TSHR: variants seen among roughly 807,000 people sequenced by gnomAD.
TSHR encodes the protein thyroid stimulating hormone receptor, also known as thyrotropin receptor.
Under a neutral mutation model 64.1 loss-of-function variants are expected in TSHR, and 51 were observed. That is an observed-to-expected ratio of 0.80 (90% CI 0.64 to 1.01). The LOEUF is 1.01. Among genes scored for constraint, TSHR ranks in the 50% least tolerant of loss-of-function variants. The probability of loss-of-function intolerance (pLI) is 0.00; values close to 1 mark genes in which losing one functional copy is unlikely to be tolerated. For synonymous variants in TSHR, 361 were observed against 361.9 expected, an observed-to-expected ratio of 1.00 and a Z score of 0.03; for missense variants, 877 against 942.8, an observed-to-expected ratio of 0.93 and a Z score of 0.91.
rs79183075 is a variant in TSHR, at chr14:81,113,084, G to C, written c.692+4632G>C. ...GTTTCACAGGAACATGCCGGCTGTT[G>C]TGTTGAAAATAAACTGTAGGGAACC... On this transcript the variant is annotated intron_variant, in intron 8 of 9. Transcript: ENST00000298171. Among the ~76,000 whole-genome samples the C allele has an allele frequency of 9.8e-4, 150 of 152,286 alleles. No individual in the cohort carries two copies. In the South Asian group the frequency reaches 0.016, roughly 17 times the overall value.
intron 7 of TSHR, 51 bp downstream of exon 7, chr14:81,096,758 C>A: frequency 6.3e-7 from 1 of 1,575,680 alleles, no homozygotes; most frequent in South Asian, 1.1e-5. Context: ...CCCTAAGAAC[C>A]ATCCAATGGG....
intron 1 of TSHR, among the ~76,000 whole-genome samples, chr14:81,021,124 C>T (rs549476584): frequency 4.7e-4 from 71 of 152,180 alleles, no homozygotes; most frequent in African/African-American, 1.6e-3. Context: ...ATGCACAATA[C>T]ATGTAATATG....
intron 1 of TSHR, chr14:81,003,552 T>C (rs965459012): frequency 2.2e-5 from 5 of 222,912 alleles, no homozygotes; most frequent in Admixed American, 1.6e-4. Context: ...GCCTGGGCAG[T>C]TTCACAAGTG....
chr14:81,071,936 T>C (rs548583729), intron 3 of TSHR, among the ~76,000 whole-genome samples: 1 of 152,330 alleles, frequency 6.6e-6, no homozygotes, highest in East Asian at 1.9e-4. Context: ...CTCTTTCAAT[T>C]AGCCATTTTT....
chr14:81,103,781 T>C lies in TSHR; in HGVS notation c.615-4594T>C. 1 of 985,476 alleles carries C rather than the reference T, an allele frequency of 1.0e-6. No homozygotes were observed. Among genetic ancestry groups the C allele is most frequent in the Non-Finnish European group, 1.2e-6 (1 of 829,948 alleles). The allele number at this position is 985,476 out of a possible 1,614,324, so 61.0% of individuals were successfully genotyped here. A position where few individuals can be genotyped will look rare whatever the true frequency, so the allele number is the denominator to read the frequency against. On this transcript the variant is annotated intron_variant, in intron 7 of 9. Coordinates refer to ENST00000298171, the MANE Select transcript of TSHR (RefSeq NM_000369.5). This position sits in a 1 kb window ranked among gnomAD's most constrained non-coding sequence, Gnocchi z 4.1. Reference sequence around the variant, plus strand: ...CCATCCTCTTTCCACGCAATCTGCGTGGGGATATGTTGCTTCTCACAGAAT... The same window carrying C: ...CCATCCTCTTTCCACGCAATCTGCGCGGGGATATGTTGCTTCTCACAGAAT...
chr14:80,979,038 C>A (rs1279264767), intron 1 of TSHR, among the ~76,000 whole-genome samples: 1 of 152,212 alleles, frequency 6.6e-6, no homozygotes, highest in Non-Finnish European at 1.5e-5. Flanking sequence ...TTATATTTAA[C>A]ATTTCCAAAG....
At chr14:81,056,352 C>T (rs527592004) in intron 1 of TSHR, among the ~76,000 whole-genome samples, 15 of 152,146 alleles carry the variant, frequency 9.9e-5, no homozygotes, top group South Asian at 4.2e-4. Context: ...AGGAAACTTT[C>T]GGGATGATGG....
chr14:80,973,064 T>C (rs555737858), intron 1 of TSHR, among the ~76,000 whole-genome samples: 1 of 152,128 alleles, frequency 6.6e-6, no homozygotes, highest in Non-Finnish European at 1.5e-5. Flanking sequence ...CCCCATTCCA[T>C]GCTGTAATAC....
At chr14:81,139,517 ATCC>A (rs1228621351) in intron 8 of TSHR, among the ~76,000 whole-genome samples, 159 bp from the exon 9 acceptor site, 2 of 152,214 alleles carry the variant, frequency 1.3e-5, no homozygotes, top group African/African-American at 4.8e-5. Context: ...GAAGCCTAAT[ATCC>A]ATCCCTCCTT....
chr14:81,140,169 G>A (rs773570005), intron 9 of TSHR, among the ~76,000 whole-genome samples: 6 of 152,286 alleles, frequency 3.9e-5, no homozygotes, highest in Admixed American at 6.5e-5. Context: ...TATGATGTCC[G>A]GTTTCCAGGT....
chr14:81,125,313 A>G (rs1890973945), intron 8 of TSHR, among the ~76,000 whole-genome samples: 1 of 151,610 alleles, frequency 6.6e-6, no homozygotes, highest in African/African-American at 2.4e-5. Context: ...TGTTCAGAGG[A>G]AAAAAAATTA....
At chr14:81,100,275 T>C (rs142189008) in intron 7 of TSHR, among the ~76,000 whole-genome samples, 81 of 152,332 alleles carry the variant, frequency 5.3e-4, no homozygotes, top group African/African-American at 1.9e-3. Context: ...TTGCAGAGCT[T>C]CTCAAGCAGT....
chr14:81,113,051 G>A (rs1036325532), intron 8 of TSHR, among the ~76,000 whole-genome samples: 5 of 152,160 alleles, frequency 3.3e-5, no homozygotes, highest in Admixed American at 6.5e-5. Flanking sequence ...GTCACAGTCT[G>A]ACTCAAAGTT....
At chr14:80,991,250 A>G (rs924383742) in intron 1 of TSHR, among the ~76,000 whole-genome samples, 5 of 152,208 alleles carry the variant, frequency 3.3e-5, no homozygotes, top group Non-Finnish European at 1.5e-5. Flanking sequence ...ACCAGTGCAC[A>G]TGACAAAAAA....
At chr14:80,977,436 G>C (rs1013734259) in intron 1 of TSHR, among the ~76,000 whole-genome samples, 14 of 152,190 alleles carry the variant, frequency 9.2e-5, no homozygotes, top group African/African-American at 3.4e-4. Flanking sequence ...ACAGAGCTCA[G>C]CTCACAAGGG....
chr14:80,995,084 C>A (rs754163903), intron 1 of TSHR: 1 of 151,818 alleles, frequency 6.6e-6, no homozygotes, highest in African/African-American at 2.4e-5. Flanking sequence ...GCAAAGGACA[C>A]GAAGACATAC....
At chr14:81,040,680 A>G (rs138574323) in intron 1 of TSHR, among the ~76,000 whole-genome samples, 2 of 152,314 alleles carry the variant, frequency 1.3e-5, no homozygotes, top group Non-Finnish European at 2.9e-5. Context: ...TAAGTAAACT[A>G]AAGAGCTTTG....
chr14:81,097,355 T>C (rs1889274153), intron 7 of TSHR, among the ~76,000 whole-genome samples: 1 of 152,234 alleles, frequency 6.6e-6, no homozygotes, highest in Non-Finnish European at 1.5e-5. Flanking sequence ...AAACATTTCA[T>C]ACATAGTAAT....
intron 8 of TSHR, among the ~76,000 whole-genome samples, chr14:81,115,207 A>G (rs1595139152): frequency 6.6e-6 from 1 of 152,104 alleles, no homozygotes; most frequent in Admixed American, 6.5e-5. Context: ...TGAGAGAAGA[A>G]GGCTTCAGAC....
Sources: gnomAD v4.1 joint callset for allele counts (sites outside exome capture counted in the v4.1 genomes callset) on GRCh38, gnomAD v4.1.1 for gene constraint, Gnocchi (gnomAD v3.1) non-coding constraint, MANE v1.5 for transcripts, NCBI Gene and HGNC (gene_info 2026-07-23, HGNC 2026-07-21) for gene names.